The following MAN1A1 variants were observed in gnomAD, a reference collection of about 807,000 sequenced individuals.
MAN1A1 encodes the protein mannosidase alpha class 1A member 1.
A neutral mutation model predicts 70.8 loss-of-function variants in MAN1A1; 29 were observed. That is an observed-to-expected ratio of 0.41 (90% CI 0.31 to 0.56). MAN1A1 has a LOEUF of 0.56. Among genes scored for constraint, MAN1A1 ranks in the 20% least tolerant of loss-of-function variants. The probability of loss-of-function intolerance (pLI) is 0.29; values close to 1 mark genes in which losing one functional copy is unlikely to be tolerated. For missense variants in MAN1A1, 747 were observed against 841.3 expected (o/e 0.89, Z 1.39); for synonymous variants, 349 against 330.1 (o/e 1.06, Z -0.62).
intron 6 of MAN1A1, among the ~76,000 whole-genome samples, chr6:119,211,399 A>G (rs1370756147): frequency 2.6e-5 from 4 of 152,240 alleles, no homozygotes; most frequent in African/African-American, 9.6e-5. Flanking sequence ...TCAGCAACAG[A>G]TATCTGTGCA....
intron 6 of MAN1A1, among the ~76,000 whole-genome samples, chr6:119,225,333 T>C (rs1322115847): frequency 6.6e-6 from 1 of 151,720 alleles, no homozygotes; most frequent in African/African-American, 2.4e-5. Flanking sequence ...TCTTGGGAGT[T>C]TGAGGCTGAA....
At chr6:119,313,268 A>T (rs1194159936) in intron 2 of MAN1A1, among the ~76,000 whole-genome samples, 1 of 152,146 alleles carries the variant, frequency 6.6e-6, no homozygotes, top group Non-Finnish European at 1.5e-5. Context: ...CTCATGCAAC[A>T]GGTATCAAGA....
intron 6 of MAN1A1, among the ~76,000 whole-genome samples, chr6:119,225,723 C>T (rs557627690): frequency 5.9e-5 from 9 of 152,226 alleles, no homozygotes; most frequent in Non-Finnish European, 1.0e-4. Context: ...AGCCATAAGA[C>T]GCAAGAATGG....
chr6:119,319,325 G>T (rs1265398972), intron 2 of MAN1A1, among the ~76,000 whole-genome samples: 1 of 150,868 alleles, frequency 6.6e-6, no homozygotes, highest in African/African-American at 2.4e-5. Context: ...TTTAAAATCT[G>T]ATAGAGCCTG....
At chr6:119,257,082 C>G (rs72962518) in intron 5 of MAN1A1, among the ~76,000 whole-genome samples, 5 of 151,788 alleles carry the variant, frequency 3.3e-5, no homozygotes, top group African/African-American at 1.2e-4. Flanking sequence ...AGGTTGAAGA[C>G]GTGACACTTA....
chr6:119,332,484 T>A (rs1773345640), intron 2 of MAN1A1, among the ~76,000 whole-genome samples: 1 of 152,206 alleles, frequency 6.6e-6, no homozygotes, highest in African/African-American at 2.4e-5. Context: ...CTGTTGTTAT[T>A]CATAAACCAA....
At chr6:119,229,967 T>A (rs1328847935) in intron 6 of MAN1A1, among the ~76,000 whole-genome samples, 1 of 152,182 alleles carries the variant, frequency 6.6e-6, no homozygotes, top group African/African-American at 2.4e-5. Flanking sequence ...ACTTGCTAGC[T>A]GTGTCAAATA....
At chr6:119,308,861 A>G (rs974793620) in intron 2 of MAN1A1, among the ~76,000 whole-genome samples, 1 of 152,210 alleles carries the variant, frequency 6.6e-6, no homozygotes, top group African/African-American at 2.4e-5. Context: ...AAAACAGAAA[A>G]AAAAGTTACG....
intron 2 of MAN1A1, among the ~76,000 whole-genome samples, chr6:119,341,086 C>T (rs555279289): frequency 7.9e-5 from 12 of 152,154 alleles, no homozygotes; most frequent in Middle Eastern, 3.2e-3. Context: ...AAAGCAACTA[C>T]CAGAGTATTC....
rs1186844213 is a variant in MAN1A1, at chr6:119,327,378, G to GT, written c.604-20387dup. 429 of 123,450 alleles carry GT rather than the reference G, an allele frequency of 3.5e-3. 10 individuals are homozygous for GT. Among genetic ancestry groups the GT allele is most frequent in the East Asian group, 0.033 (151 of 4,518 alleles). 7.6% of individuals were successfully genotyped at this position (123,450 alleles called of 1,614,324 possible). A position where few individuals can be genotyped will look rare whatever the true frequency, so the allele number is the denominator to read the frequency against. On this transcript the variant is annotated intron_variant, in intron 2 of 12. Transcript: ENST00000368468. ...CATGTGCAAATTTATGAAGCATTCCGTTTTTTTTTTTTGTTTTTTTTTTTT... is the reference window on the plus strand; with the variant it reads ...CATGTGCAAATTTATGAAGCATTCCGTTTTTTTTTTTTTGTTTTTTTTTTTT...
chr6:119,284,100 T>A (rs1464992477), intron 5 of MAN1A1, among the ~76,000 whole-genome samples: 2 of 152,170 alleles, frequency 1.3e-5, no homozygotes, highest in East Asian at 3.8e-4. Context: ...CACTAAAATG[T>A]AAGCTCCACA....
intron 5 of MAN1A1, among the ~76,000 whole-genome samples, chr6:119,278,819 C>T (rs1469197050): frequency 6.6e-6 from 1 of 152,080 alleles, no homozygotes; most frequent in Non-Finnish European, 1.5e-5. Flanking sequence ...CCTCCCTTCT[C>T]TCTCTTGGTC....
intron 5 of MAN1A1, among the ~76,000 whole-genome samples, chr6:119,271,808 C>G (rs1045876926): frequency 6.6e-6 from 1 of 151,982 alleles, no homozygotes; most frequent in African/African-American, 2.4e-5. Context: ...CCAGCCAACC[C>G]CCGGTTTACA....
chr6:119,214,140 A>G (rs1162090610), intron 6 of MAN1A1, among the ~76,000 whole-genome samples: 1 of 151,978 alleles, frequency 6.6e-6, no homozygotes, highest in Non-Finnish European at 1.5e-5. Flanking sequence ...TAATTTTTGT[A>G]TTTTTAGTAG....
intron 5 of MAN1A1, among the ~76,000 whole-genome samples, chr6:119,255,420 A>G: frequency 6.6e-6 from 1 of 152,240 alleles, no homozygotes; most frequent in East Asian, 1.9e-4. Context: ...CTAAACCCAT[A>G]TACTGTTAGT....
At chr6:119,199,923 G>A (rs1367979467) in intron 8 of MAN1A1, among the ~76,000 whole-genome samples, 1 of 150,986 alleles carries the variant, frequency 6.6e-6, no homozygotes, top group African/African-American at 2.4e-5. Context: ...GTGGGACCCT[G>A]TCCCACAAAA....
chr6:119,349,819 T>C (rs1562253275), upstream of MAN1A1: 2 of 928,988 alleles, frequency 2.2e-6, no homozygotes, highest in African/African-American at 1.8e-5. Context: ...GGCCGGAGAG[T>C]GACGGCGCGG....
At chr6:119,255,790 C>T (rs184656911) in intron 5 of MAN1A1, among the ~76,000 whole-genome samples, 16 of 152,316 alleles carry the variant, frequency 1.1e-4, no homozygotes, top group Non-Finnish European at 2.2e-4. Context: ...TGTGGGCACA[C>T]ATCTTTCTTT....
intron 7 of MAN1A1, among the ~76,000 whole-genome samples, chr6:119,204,296 G>C (rs748935766): frequency 1.3e-5 from 2 of 152,166 alleles, no homozygotes; most frequent in Non-Finnish European, 2.9e-5. Flanking sequence ...ACTGTAAAGG[G>C]AAGCCAAAAA....
Sources: gnomAD v4.1 joint callset for allele counts (sites outside exome capture counted in the v4.1 genomes callset) on GRCh38, gnomAD v4.1.1 for gene constraint, MANE v1.5 for transcripts, NCBI Gene and HGNC (gene_info 2026-07-23, HGNC 2026-07-21) for gene names.